ESRRG: variants seen among roughly 807,000 people sequenced by gnomAD.
ESRRG encodes the protein estrogen related receptor gamma.
ESRRG carries 13 observed loss-of-function variants against 44.0 expected under a neutral mutation model. The ratio of observed to expected loss-of-function variants is 0.30; its 90% confidence interval spans 0.19 to 0.47. ESRRG has a LOEUF of 0.47. Ranked by LOEUF, ESRRG falls within the 20% of genes least tolerant of loss-of-function variation. The pLI, the probability that ESRRG is intolerant of heterozygous loss-of-function variation, is 1.00. For missense variants in ESRRG, 395 were observed against 580.6 expected (o/e 0.68, Z 3.29); for synonymous variants, 215 against 214.6 (o/e 1.00, Z -0.02).
intron 1 of ESRRG, among the ~76,000 whole-genome samples, chr1:217,099,325 C>T (rs1458851636): frequency 6.6e-6 from 1 of 150,962 alleles, no homozygotes; most frequent in East Asian, 1.9e-4. Flanking sequence ...ATTATTCCTA[C>T]CTTATAGAAA....
Position 216,898,566 on chromosome 1 carries a change from C to T in ESRRG, c.-14+41016G>A, listed in dbSNP as rs141144903. On this transcript the variant is annotated intron_variant, in intron 2 of 7. Transcript: ENST00000359162. ...CCAGGAGGCAGAGGCAGCAGTGAGCCGAGATCATGGCACTGCACTCCAGCC... is the reference window on the plus strand; with the variant it reads ...CCAGGAGGCAGAGGCAGCAGTGAGCTGAGATCATGGCACTGCACTCCAGCC... 1.4e-3 allele frequency among the ~76,000 whole-genome samples: 211 copies of T among 152,124 alleles called. 1 individual carries two copies. The highest frequency in any genetic ancestry group is 4.9e-3 in the African/African-American group (203 of 41,512).
intron 2 of ESRRG, among the ~76,000 whole-genome samples, chr1:216,880,966 A>C (rs899740288): frequency 6.6e-6 from 1 of 152,202 alleles, no homozygotes; most frequent in Non-Finnish European, 1.5e-5. Context: ...GAACCTAAAG[A>C]TAAAATATAA....
intron 2 of ESRRG, among the ~76,000 whole-genome samples, chr1:216,665,131 A>C (rs1235096104): frequency 6.6e-6 from 1 of 152,196 alleles, no homozygotes; most frequent in African/African-American, 2.4e-5. Context: ...GACCACATTC[A>C]CATAACTTTT....
intron 2 of ESRRG, among the ~76,000 whole-genome samples, chr1:216,875,310 C>G (rs763058888): frequency 6.6e-6 from 1 of 152,176 alleles, no homozygotes; most frequent in Non-Finnish European, 1.5e-5. Flanking sequence ...AGTGAACACA[C>G]TTTTTATCCA....
chr1:216,656,118 G>A (rs1408028709), intron 2 of ESRRG, among the ~76,000 whole-genome samples: 5 of 152,136 alleles, frequency 3.3e-5, no homozygotes, highest in Non-Finnish European at 7.4e-5. Context: ...TGGGCACCTG[G>A]AATGTGAACA....
intron 3 of ESRRG, among the ~76,000 whole-genome samples, chr1:216,601,202 A>G (rs1278281365): frequency 1.3e-5 from 2 of 151,928 alleles, no homozygotes; most frequent in African/African-American, 2.4e-5. Context: ...TGCTCGCTCC[A>G]TGGACAGCTG....
chr1:216,734,240 T>A (rs1274240118), intron 2 of ESRRG, among the ~76,000 whole-genome samples: 1 of 152,176 alleles, frequency 6.6e-6, no homozygotes, highest in African/African-American at 2.4e-5. Flanking sequence ...TCTCAACAAA[T>A]ATCTGCCAAA....
chr1:216,566,278 G>A (rs1257891630), intron 4 of ESRRG, among the ~76,000 whole-genome samples: 1 of 152,104 alleles, frequency 6.6e-6, no homozygotes, highest in Non-Finnish European at 1.5e-5. Flanking sequence ...TATCTGACAG[G>A]ATCTGAAAAT....
At chr1:216,747,605 G>A (rs905846935) in intron 2 of ESRRG, among the ~76,000 whole-genome samples, 7 of 152,096 alleles carry the variant, frequency 4.6e-5, no homozygotes, top group Admixed American at 4.6e-4. Context: ...AAATAGTTAT[G>A]ATGATTTTTA....
chr1:216,890,983 A>T (rs2057711134), intron 2 of ESRRG, among the ~76,000 whole-genome samples: 4 of 152,180 alleles, frequency 2.6e-5, no homozygotes, highest in Admixed American at 6.5e-5. Flanking sequence ...AAGAATGATT[A>T]CACGATCTTA....
Position 216,912,187 on chromosome 1 carries a change from AGAGGAGAGGAGAGG to A in ESRRG, c.-14+27381_-14+27394del, listed in dbSNP as rs2060504508. Among the ~76,000 whole-genome samples the A allele has an allele frequency of 1.4e-3, 13 of 9,420 alleles. 1 individual carries two copies. Among genetic ancestry groups the A allele is most frequent in the African/African-American group, 3.7e-3 (6 of 1,604 alleles). The allele number at this position is 9,420 out of a possible 152,430, so 6.2% of individuals were successfully genotyped here. On this transcript the variant is annotated intron_variant, in intron 2 of 7. Transcript: ENST00000359162. ...AAAGAAAAGAAAAGAAAAGAAAAGG[AGAGGAGAGGAGAGG>A]AGAGGAGAGGAGAGGAGAGGAGAGG...
intron 1 of ESRRG, among the ~76,000 whole-genome samples, chr1:217,025,394 G>T (rs974833077): frequency 6.6e-6 from 1 of 151,992 alleles, no homozygotes; most frequent in Non-Finnish European, 1.5e-5. Context: ...AACTGATTTG[G>T]CTATTTTCTG....
chr1:216,823,356 T>C (rs2095334693), intron 2 of ESRRG, among the ~76,000 whole-genome samples: 1 of 152,192 alleles, frequency 6.6e-6, no homozygotes, highest in Non-Finnish European at 1.5e-5. Flanking sequence ...TACTGTTGTA[T>C]ATAAGGTTGC....
chr1:216,807,835 C>A (rs1576769153), intron 2 of ESRRG, among the ~76,000 whole-genome samples: 1 of 152,104 alleles, frequency 6.6e-6, no homozygotes, highest in South Asian at 2.1e-4. Flanking sequence ...TAATGCTAAC[C>A]ATTGCTGAGT....
intron 1 of ESRRG, among the ~76,000 whole-genome samples, chr1:217,082,395 T>C (rs1312490817): frequency 6.6e-6 from 1 of 152,234 alleles, no homozygotes; most frequent in African/African-American, 2.4e-5. Flanking sequence ...GAGAAGCAGA[T>C]GCTTTTATTA....
At chr1:216,823,583 T>A (rs886631911) in intron 2 of ESRRG, among the ~76,000 whole-genome samples, 2 of 152,214 alleles carry the variant, frequency 1.3e-5, no homozygotes, top group African/African-American at 2.4e-5. Context: ...AAACTCATTC[T>A]TTTTTAAAAA....
intron 2 of ESRRG, among the ~76,000 whole-genome samples, chr1:216,674,965 A>G (rs2075833653): frequency 6.6e-6 from 1 of 151,908 alleles, no homozygotes; most frequent in Admixed American, 6.6e-5. Context: ...GAAGTTATGT[A>G]ACAGACAACA....
At chr1:216,766,871 C>A (rs1305669313) in intron 2 of ESRRG, among the ~76,000 whole-genome samples, 1 of 152,162 alleles carries the variant, frequency 6.6e-6, no homozygotes, top group African/African-American at 2.4e-5. Context: ...ATCCAGTGTT[C>A]TCTATCCATT....
chr1:216,921,187 G>A (rs977982881), intron 2 of ESRRG, among the ~76,000 whole-genome samples: 2 of 152,114 alleles, frequency 1.3e-5, no homozygotes, highest in African/African-American at 4.8e-5. Context: ...AAGACATCAC[G>A]TAGATACCAG....
Sources: gnomAD v4.1 joint callset for allele counts (sites outside exome capture counted in the v4.1 genomes callset) on GRCh38, gnomAD v4.1.1 for gene constraint, MANE v1.5 for transcripts, NCBI Gene and HGNC (gene_info 2026-07-23, HGNC 2026-07-21) for gene names.